PDE4A: variants seen among roughly 807,000 people sequenced by gnomAD.
PDE4A encodes the protein phosphodiesterase 4A.
PDE4A carries 21 observed loss-of-function variants against 73.9 expected under a neutral mutation model. That is an observed-to-expected ratio of 0.28 (90% CI 0.20 to 0.41). The LOEUF is 0.41. Ranked by LOEUF, PDE4A falls within the 10% of genes least tolerant of loss-of-function variation. The pLI is 1.00. For missense variants in PDE4A, 958 were observed against 1,211.4 expected, an observed-to-expected ratio of 0.79 and a Z score of 3.10; for synonymous variants, 463 against 505.4, an observed-to-expected ratio of 0.92 and a Z score of 1.13.
intron 1 of PDE4A, chr19:10,428,878 G>A (rs2042751327): frequency 1.0e-6 from 1 of 985,288 alleles, no homozygotes; most frequent in East Asian, 1.1e-4. Context: ...CACACGGGTG[G>A]ATCACTTGAG....
intron 1 of PDE4A, chr19:10,421,334 T>G: frequency 1.0e-6 from 1 of 985,254 alleles, no homozygotes; most frequent in Non-Finnish European, 1.2e-6. Flanking sequence ...TAACGAGGTC[T>G]GGGTTGGGGA....
chr19:10,420,490 C>A (rs982178612), upstream of PDE4A: 15 of 881,644 alleles, frequency 1.7e-5, no homozygotes, highest in Non-Finnish European at 1.8e-5. This position sits in a 1 kb window ranked among gnomAD's most constrained non-coding sequence, Gnocchi z 6.0. Context: ...GCGGAGGAGC[C>A]GGGGCTGGCG....
At position 10,457,439 on chromosome 19, in the gene PDE4A, G is replaced by A. The variant is rs1305706316; in HGVS notation, c.878-440G>A. 1.6e-4 allele frequency among the ~76,000 whole-genome samples: 22 copies of A among 137,258 alleles called. 1 individual carries two copies. The highest frequency in any genetic ancestry group is 2.9e-4 in the Non-Finnish European group (18 of 62,250). The allele number at this position is 137,258 out of a possible 152,430, so 90.0% of individuals were successfully genotyped here. A position where few individuals can be genotyped will look rare whatever the true frequency, so the allele number is the denominator to read the frequency against. ...GCTGGTGCCAAGGTGGGCGGGGGGGGGGGGGGGCAGGGACATGGAGCCAGA... is the reference window on the plus strand; with the variant it reads ...GCTGGTGCCAAGGTGGGCGGGGGGGAGGGGGGGCAGGGACATGGAGCCAGA... On this transcript the variant is annotated intron_variant, in intron 7 of 14. Transcript: ENST00000380702.
intron 7 of PDE4A, among the ~76,000 whole-genome samples, chr19:10,456,051 T>C (rs898813633): frequency 1.4e-5 from 2 of 145,268 alleles, no homozygotes; most frequent in African/African-American, 5.2e-5. Flanking sequence ...TTCAGTAGAC[T>C]CCCAAAATGT....
Position 10,467,603 on chromosome 19 carries a change from A to T in PDE4A, c.2643A>T (p.Ser881=), listed in dbSNP as rs915256381. The change falls in exon 15 of 15, where the codon TCA becomes TCT. Residue 881 remains serine (S), a synonymous_variant. Coordinates refer to ENST00000380702, the MANE Select transcript of PDE4A (RefSeq NM_001111307.2). ...SALPAPGGGG[S]GGDPT ...TCCCAGCTCCTGGTGGCGGGGGGTC[A>T]GGTGGAGACCCTACCTGATCCCCAG... 1.4e-5 allele frequency: 22 copies of T among 1,577,086 alleles called. No individual in the cohort carries two copies. In the African/African-American group the frequency reaches 2.0e-4, roughly 14 times the overall value.
chr19:10,430,957 C>T, intron 1 of PDE4A: 1 of 1,533,298 alleles, frequency 6.5e-7, no homozygotes, highest in Non-Finnish European at 8.7e-7. Context: ...GCCCCGCGCG[C>T]GCCCCGCCGC....
In PDE4A at chr19:10,424,152, A is replaced by G. The variant is rs1439926131; in HGVS notation, c.320+3068A>G. 1.3e-5 allele frequency among the ~76,000 whole-genome samples: 2 copies of G among 152,312 alleles called. No individual in the cohort carries two copies. Among genetic ancestry groups the G allele is most frequent in the Non-Finnish European group, 2.9e-5 (2 of 68,026 alleles). ...CCAAACCTCCCCTCCAGACCTGAAG[A>G]TGTATGAGACGGCTGAGTCACGGCA... On this transcript the variant is annotated intron_variant, in intron 1 of 14. Transcript: ENST00000380702. This position sits in a 1 kb window ranked among gnomAD's most constrained non-coding sequence, Gnocchi z 4.8.
upstream of PDE4A, chr19:10,417,856 A>C (rs748407806): frequency 5.8e-6 from 9 of 1,556,914 alleles, no homozygotes; most frequent in Non-Finnish European, 7.8e-6. Flanking sequence ...ACCAGGGCCG[A>C]GAACGACAGG....
chr19:10,432,315 A>G (rs1298602348), intron 1 of PDE4A: 1 of 1,232,150 alleles, frequency 8.1e-7, no homozygotes, highest in East Asian at 3.5e-5. Context: ...GGGGGTCACC[A>G]GAGGCGTGGA....
upstream of PDE4A, chr19:10,417,604 G>A (rs1230301675): frequency 2.6e-6 from 4 of 1,520,376 alleles, 1 homozygote; most frequent in South Asian, 2.4e-5. Context: ...CTTGGGGAGA[G>A]GGGCTCAGAG....
chr19:10,421,469 G>T (rs1029067702), intron 1 of PDE4A: 4 of 460,944 alleles, frequency 8.7e-6, no homozygotes, highest in Non-Finnish European at 1.1e-5. Context: ...AGTGTTTGGG[G>T]TACTCTTGGA....
At chr19:10,452,929 C>G in intron 6 of PDE4A, 1 of 1,087,134 alleles carries the variant, frequency 9.2e-7, no homozygotes, top group Non-Finnish European at 1.1e-6. Context: ...TGAGCACACA[C>G]GCACACACAC....
At chr19:10,452,947 C>T (rs1349036062) in intron 6 of PDE4A, 4 of 1,150,774 alleles carry the variant, frequency 3.5e-6, no homozygotes, top group African/African-American at 1.6e-5. Context: ...CACGGGTGCA[C>T]ACACAGAGCT....
At chr19:10,432,656 C>A in intron 1 of PDE4A, 1 of 1,313,870 alleles carries the variant, frequency 7.6e-7, no homozygotes, top group Non-Finnish European at 1.0e-6. Flanking sequence ...CTGAGTCTAC[C>A]TGGGTGAGTC....
chr19:10,459,214 G>A (rs994034367), intron 8 of PDE4A, 186 bp from the exon 9 acceptor site: 66 of 986,180 alleles, frequency 6.7e-5, no homozygotes, highest in Admixed American at 2.6e-4. Flanking sequence ...GACAGTGGCT[G>A]TGATTGCTTT....
At chr19:10,427,882 C>A in intron 1 of PDE4A, 7 of 983,930 alleles carry the variant, frequency 7.1e-6, no homozygotes, top group Non-Finnish European at 8.4e-6. Context: ...GCCCAACACA[C>A]TTTGGGAGGC....
At chr19:10,419,050 G>A (rs1207989562), upstream of PDE4A, 2 of 969,242 alleles carry the variant, frequency 2.1e-6, no homozygotes, top group Admixed American at 6.3e-5. Flanking sequence ...GTTGAAGACC[G>A]GCAGTCTTTT....
At chr19:10,423,719 G>C (rs1181996871) in intron 1 of PDE4A, among the ~76,000 whole-genome samples, 3 of 152,136 alleles carry the variant, frequency 2.0e-5, no homozygotes, top group Non-Finnish European at 4.4e-5. Context: ...GGACTAAGGA[G>C]GGGGGACCTG....
chr19:10,443,746 C>A (rs1281199852), intron 1 of PDE4A, among the ~76,000 whole-genome samples: 1 of 152,020 alleles, frequency 6.6e-6, no homozygotes, highest in Non-Finnish European at 1.5e-5. Context: ...GTGGCTCATG[C>A]CTGTAATCCC....
Sources: allele counts gnomAD v4.1 joint callset (sites outside exome capture counted in the v4.1 genomes callset), GRCh38; gene constraint gnomAD v4.1.1; non-coding constraint Gnocchi (gnomAD v3.1); transcripts MANE v1.5; gene names NCBI Gene and HGNC (gene_info 2026-07-23, HGNC 2026-07-21).